Variants in DPP6 observed in about 807,000 individuals in gnomAD.
The protein encoded by DPP6 is A-type potassium channel modulatory protein DPP6.
In DPP6, 69 loss-of-function variants were observed where a neutral mutation model predicts 122.6. The observed-to-expected ratio is 0.56, with a 90% CI of 0.46 to 0.69. DPP6 has a LOEUF of 0.69. Ranked by LOEUF, DPP6 falls within the 30% of genes least tolerant of loss-of-function variation. DPP6 has a pLI of 0.00. For synonymous variants in DPP6, 418 were observed against 433.1 expected, an observed-to-expected ratio of 0.97 and a Z score of 0.43; for missense variants, 928 against 1,116.9, an observed-to-expected ratio of 0.83 and a Z score of 2.41.
intron 6 of DPP6, among the ~76,000 whole-genome samples, chr7:154,653,503 T>C (rs1247210474): frequency 6.6e-6 from 1 of 152,100 alleles, no homozygotes; most frequent in Non-Finnish European, 1.5e-5. Context: ...GATAGATAGA[T>C]AGATAATAGA....
intron 1 of DPP6, among the ~76,000 whole-genome samples, chr7:154,159,315 C>T (rs1360228509): frequency 2.0e-5 from 3 of 152,202 alleles, no homozygotes; most frequent in Non-Finnish European, 4.4e-5. Context: ...CACCCATGGT[C>T]TGTCTTTGAT....
intron 1 of DPP6, among the ~76,000 whole-genome samples, chr7:154,004,854 T>C (rs1425763442): frequency 6.6e-6 from 1 of 152,250 alleles, no homozygotes; most frequent in Non-Finnish European, 1.5e-5. Context: ...CTCATAGATA[T>C]GCATATGGAA....
chr7:154,346,538 C>T (rs1210337777), intron 1 of DPP6, among the ~76,000 whole-genome samples: 1 of 152,158 alleles, frequency 6.6e-6, no homozygotes, highest in African/African-American at 2.4e-5. Context: ...AACTCCTGAT[C>T]TCAGGTAATC....
Position 154,247,559 on chromosome 7 carries a change from A to C in DPP6, c.243+194496A>C, listed in dbSNP as rs76446216. Among the ~76,000 whole-genome samples the C allele has an allele frequency of 6.2e-3, 950 of 152,124 alleles. 47 individuals carry two copies. In the East Asian group the frequency reaches 0.13, roughly 21 times the overall value. On this transcript the variant is annotated intron_variant, in intron 1 of 25. Transcript: ENST00000377770. Reference sequence around the variant, plus strand: ...AAAACCATACTGAGGGAACATTTTAAAACCCACTGGAATGGTTATAATCAA... The same window carrying C: ...AAAACCATACTGAGGGAACATTTTACAACCCACTGGAATGGTTATAATCAA...
In DPP6 at chr7:154,559,347, G is replaced by GA. The variant is rs372642507; in HGVS notation, c.553-7483dup. 1.6e-3 allele frequency among the ~76,000 whole-genome samples: 183 copies of GA among 114,936 alleles called. 1 individual carries two copies. The highest frequency in any genetic ancestry group is 3.8e-3 in the Admixed American group (43 of 11,426). 75.4% of individuals were successfully genotyped at this position (114,936 alleles called of 152,430 possible). A position where few individuals can be genotyped will look rare whatever the true frequency, so the allele number is the denominator to read the frequency against. On this transcript the variant is annotated intron_variant, in intron 4 of 25. Coordinates refer to ENST00000377770, the MANE Select transcript of DPP6 (RefSeq NM_130797.4). ...TAAAACCAAGAACAAAGAGAAACTT[G>GA]AAAAAAAAAAAAGCCTGAACAGCAT...
chr7:153,879,213 G>A, the DPP6 span, among the ~76,000 whole-genome samples: 2 of 152,152 alleles, frequency 1.3e-5, no homozygotes, highest in Non-Finnish European at 2.9e-5. Context: ...AGAATGAACA[G>A]CAGTTGTCCA....
At chr7:154,261,423 A>G (rs1324932706) in intron 1 of DPP6, among the ~76,000 whole-genome samples, 1 of 152,244 alleles carries the variant, frequency 6.6e-6, no homozygotes, top group Non-Finnish European at 1.5e-5. Flanking sequence ...TAAGACCTGA[A>G]ACTATAAAAA....
intron 1 of DPP6, among the ~76,000 whole-genome samples, chr7:153,980,022 T>C (rs1796503770): frequency 6.6e-6 from 1 of 152,198 alleles, no homozygotes; most frequent in African/African-American, 2.4e-5. Context: ...TAGTTGTGTC[T>C]CTGCTAGGTT....
At chr7:154,608,873 A>C (rs1009066433) in intron 5 of DPP6, among the ~76,000 whole-genome samples, 1 of 152,156 alleles carries the variant, frequency 6.6e-6, no homozygotes, top group Non-Finnish European at 1.5e-5. Context: ...AATATCTGTG[A>C]CTGATAAACT....
chr7:154,112,080 G>A (rs1412267144), intron 1 of DPP6, among the ~76,000 whole-genome samples: 5 of 152,174 alleles, frequency 3.3e-5, no homozygotes, highest in Admixed American at 6.5e-5. Flanking sequence ...CGAAGGGTAG[G>A]AAGCTGAGAA....
At chr7:154,053,520 C>T (rs1800567471) in intron 1 of DPP6, among the ~76,000 whole-genome samples, 1 of 150,908 alleles carries the variant, frequency 6.6e-6, no homozygotes, top group African/African-American at 2.4e-5. Flanking sequence ...CTCCATCGTG[C>T]CCCTCCTCTC....
chr7:154,086,302 A>G (rs918554420), intron 1 of DPP6, among the ~76,000 whole-genome samples: 4 of 146,938 alleles, frequency 2.7e-5, no homozygotes, highest in African/African-American at 1.0e-4. Flanking sequence ...GTAACTAAAG[A>G]AGGAGGAAAA....
chr7:154,748,826 G>A (rs1354577567), intron 8 of DPP6, among the ~76,000 whole-genome samples: 1 of 152,236 alleles, frequency 6.6e-6, no homozygotes, highest in Non-Finnish European at 1.5e-5. Context: ...TGCAAGCCCA[G>A]TTCCCATCAA....
intron 1 of DPP6, among the ~76,000 whole-genome samples, chr7:154,254,502 A>G (rs1462422306): frequency 6.6e-6 from 1 of 152,188 alleles, no homozygotes; most frequent in Non-Finnish European, 1.5e-5. Flanking sequence ...CTTCTGAGAA[A>G]AATCCAAGCG....
rs1219963794 is a variant in DPP6 at position 154,062,252 on chromosome 7, G to A, written c.243+9189G>A. On this transcript the variant is annotated intron_variant, in intron 1 of 25. Coordinates refer to ENST00000377770, the MANE Select transcript of DPP6 (RefSeq NM_130797.4). ...AGTAGAAAGTTCAAATCTTCTGACG[G>A]CAGGTACCTTACGTGGGATTACTGA... 8.5e-5 allele frequency among the ~76,000 whole-genome samples: 8 copies of A among 94,576 alleles called. 1 individual carries two copies. The highest frequency in any genetic ancestry group is 1.6e-4 in the African/African-American group (4 of 25,468). The allele number at this position is 94,576 out of a possible 152,430, so 62.0% of individuals were successfully genotyped here. A position where few individuals can be genotyped will look rare whatever the true frequency, so the allele number is the denominator to read the frequency against.
the DPP6 span, among the ~76,000 whole-genome samples, chr7:153,818,478 GGAT>G: frequency 1.1e-3 from 173 of 152,108 alleles, no homozygotes; most frequent in South Asian, 5.0e-3. Flanking sequence ...ATAAATTGTA[GGAT>G]GATATTATAG....
At chr7:154,732,871 C>T (rs911393894) in intron 8 of DPP6, among the ~76,000 whole-genome samples, 2 of 152,198 alleles carry the variant, frequency 1.3e-5, no homozygotes, top group East Asian at 1.9e-4. Flanking sequence ...GTTCCCCTTG[C>T]GTGGTTCTAG....
At chr7:154,879,569 C>T (rs1282708523) in intron 20 of DPP6, among the ~76,000 whole-genome samples, 2 of 82,350 alleles carry the variant, frequency 2.4e-5, no homozygotes, top group African/African-American at 6.4e-5. Flanking sequence ...CCAGCCTGGG[C>T]GACAGCGAGA....
chr7:154,608,341 A>ATATATATATATATT (rs1468792635), intron 5 of DPP6, among the ~76,000 whole-genome samples: 1 of 123,196 alleles, frequency 8.1e-6, no homozygotes. Flanking sequence ...ATATATATAT[A>ATATATATATATATT]TTTTGAGATG....
Sources: allele counts gnomAD v4.1 joint callset (sites outside exome capture counted in the v4.1 genomes callset), GRCh38; gene constraint gnomAD v4.1.1; transcripts MANE v1.5; gene names NCBI Gene and HGNC (gene_info 2026-07-23, HGNC 2026-07-21).